The following PPP2R5C variants were observed in gnomAD, a reference collection of about 807,000 sequenced individuals.
PPP2R5C encodes protein phosphatase 2 regulatory subunit B'gamma.
In PPP2R5C, 7 loss-of-function variants were observed where a neutral mutation model predicts 68.9. That is an observed-to-expected ratio of 0.10 (90% CI 0.06 to 0.19). PPP2R5C has a LOEUF of 0.19. Among genes scored for constraint, PPP2R5C ranks in the 10% least tolerant of loss-of-function variants. The pLI, the probability that PPP2R5C is intolerant of heterozygous loss-of-function variation, is 1.00. For missense variants in PPP2R5C, 348 were observed against 641.3 expected, an observed-to-expected ratio of 0.54 and a Z score of 4.94; for synonymous variants, 210 against 222.2, an observed-to-expected ratio of 0.95 and a Z score of 0.49.
intron 1 of PPP2R5C, among the ~76,000 whole-genome samples, chr14:101,844,810 T>A (rs1236833686): frequency 1.3e-5 from 2 of 152,230 alleles, no homozygotes; most frequent in Non-Finnish European, 1.5e-5. Flanking sequence ...TTAAGAGCTG[T>A]TACTTTTCCT....
intron 1 of PPP2R5C, among the ~76,000 whole-genome samples, chr14:101,848,616 A>C (rs1194966921): frequency 1.3e-5 from 2 of 152,180 alleles, no homozygotes; most frequent in African/African-American, 2.4e-5. Context: ...AGGTAGATCC[A>C]GGTGAGTTTA....
intron 4 of PPP2R5C, 34 bp downstream of exon 6, chr14:101,883,383 C>G (rs762353595): frequency 6.2e-7 from 1 of 1,610,606 alleles, no homozygotes; most frequent in Non-Finnish European, 8.5e-7. Context: ...TCTGAAAGCC[C>G]TGATGGAATG....
chr14:101,911,449 C>T (rs984791512), intron 11 of PPP2R5C, among the ~76,000 whole-genome samples: 3 of 152,226 alleles, frequency 2.0e-5, no homozygotes, highest in Non-Finnish European at 4.4e-5. Context: ...GGTCTGTTCT[C>T]ATCTCAGCTC....
At chr14:101,857,465 G>A (rs1316545042) in intron 2 of PPP2R5C, among the ~76,000 whole-genome samples, 1 of 152,246 alleles carries the variant, frequency 6.6e-6, no homozygotes. Flanking sequence ...GATTGGCTGA[G>A]AAGGCCTTCC....
At chr14:101,863,129 G>A (rs1278488548) in intron 2 of PPP2R5C, among the ~76,000 whole-genome samples, 3 of 152,084 alleles carry the variant, frequency 2.0e-5, no homozygotes, top group African/African-American at 7.2e-5. Flanking sequence ...CCAACATGGT[G>A]AAACCCTGTC....
chr14:101,804,167 A>G (rs1428369938), intron 3 of PPP2R5C, among the ~76,000 whole-genome samples: 1 of 152,232 alleles, frequency 6.6e-6, no homozygotes, highest in East Asian at 1.9e-4. Flanking sequence ...CAAAACTACA[A>G]TGAGATACCA....
chr14:101,813,696 C>G (rs555844345), intron 1 of PPP2R5C, among the ~76,000 whole-genome samples: 2 of 152,322 alleles, frequency 1.3e-5, no homozygotes, highest in Admixed American at 6.5e-5. Context: ...TTATTCTGGG[C>G]TTCAAGAATG....
intron 2 of PPP2R5C, among the ~76,000 whole-genome samples, chr14:101,859,348 G>A (rs80095552): frequency 1.3e-5 from 2 of 152,264 alleles, no homozygotes; most frequent in Non-Finnish European, 2.9e-5. Context: ...TTATGCCCAC[G>A]TGGGCGGGAA....
chr14:101,912,581 G>A, intron 12 of PPP2R5C, 108 bp downstream of exon 14: 21 of 1,384,828 alleles, frequency 1.5e-5, no homozygotes, highest in Non-Finnish European at 2.0e-5. Context: ...CACTAACGTT[G>A]TATATGAAAA....
intron 1 of PPP2R5C, among the ~76,000 whole-genome samples, chr14:101,821,824 A>G (rs1595265886): frequency 6.6e-6 from 1 of 152,134 alleles, no homozygotes; most frequent in African/African-American, 2.4e-5. Flanking sequence ...CAGCCTGTGC[A>G]TAGGTGCTCT....
chr14:101,823,650 A>G (rs766719888), intron 1 of PPP2R5C: 38 of 587,804 alleles, frequency 6.5e-5, no homozygotes, highest in Non-Finnish European at 8.1e-5. Context: ...AGCGGTGGAA[A>G]CTGAAGCAGA....
At chr14:101,924,710 G>A (rs190988763) in intron 13 of PPP2R5C, among the ~76,000 whole-genome samples, 2 of 151,970 alleles carry the variant, frequency 1.3e-5, no homozygotes, top group African/African-American at 2.4e-5. Flanking sequence ...CAAAGTGCTG[G>A]GATTACAGGC....
intron 5 of PPP2R5C, among the ~76,000 whole-genome samples, chr14:101,885,284 C>T (rs986139508): frequency 6.6e-6 from 1 of 152,106 alleles, no homozygotes; most frequent in African/African-American, 2.4e-5. Context: ...GCAGATGAGA[C>T]CCCCCCTGCC....
chr14:101,889,936 G>C (rs1381608517), intron 5 of PPP2R5C: 1 of 518,758 alleles, frequency 1.9e-6, no homozygotes. Flanking sequence ...GTCGAATCTG[G>C]TGGTTGAAAT....
chr14:101,779,843 T>C (rs1011060595), intron 2 of PPP2R5C, among the ~76,000 whole-genome samples: 7 of 152,062 alleles, frequency 4.6e-5, no homozygotes, highest in African/African-American at 1.7e-4. Flanking sequence ...GAAAATACGA[T>C]TGGGAGAAAG....
Position 101,781,336 on chromosome 14 carries a change from C to A in PPP2R5C, c.94-4682C>A, listed in dbSNP as rs2037676449. Among the ~76,000 whole-genome samples the A allele has an allele frequency of 1.3e-5, 2 of 152,222 alleles. No individual in the cohort carries two copies. The highest frequency in any genetic ancestry group is 2.9e-5 in the Non-Finnish European group (2 of 68,036). On this transcript the variant is annotated intron_variant, in intron 2 of 14. Transcript: ENST00000328724. The surrounding 1 kb of genome is among the most constrained non-coding windows in gnomAD (Gnocchi z 6.4). ...CTTCCCCACCCTCCGAAGCCTCAAC[C>A]CGCCCTGCGCCTCCCGGTGGCACAG... is the stretch of plus-strand genomic sequence containing the variant.
At chr14:101,909,503 T>G in intron 10 of PPP2R5C, 86 bp from the exon 13 acceptor site, 1 of 845,352 alleles carries the variant, frequency 1.2e-6, no homozygotes, top group Non-Finnish European at 1.9e-6. Context: ...GTGGGACTGT[T>G]GGAATATGGA....
intron 3 of PPP2R5C, among the ~76,000 whole-genome samples, chr14:101,800,869 C>G: frequency 6.6e-6 from 1 of 152,146 alleles, no homozygotes; most frequent in East Asian, 1.9e-4. Context: ...GACATATAGA[C>G]AATGGAATAT....
chr14:101,836,650 T>G, intron 1 of PPP2R5C: 3 of 412,696 alleles, frequency 7.3e-6, no homozygotes, highest in Non-Finnish European at 1.3e-5. Context: ...TACATTTACC[T>G]TTATAGATGG....
Sources: allele counts gnomAD v4.1 joint callset (sites outside exome capture counted in the v4.1 genomes callset), GRCh38; gene constraint gnomAD v4.1.1; non-coding constraint Gnocchi (gnomAD v3.1); transcripts MANE v1.5; gene names NCBI Gene and HGNC (gene_info 2026-07-23, HGNC 2026-07-21).